ATXN7L1: variants seen among roughly 807,000 people sequenced by gnomAD.
ATXN7L1 encodes ataxin 7 like 1, also known as ataxin-7-like protein 1.
In ATXN7L1, 15 loss-of-function variants were observed where a neutral mutation model predicts 70.8. That is an observed-to-expected ratio of 0.21 (90% CI 0.14 to 0.33). The LOEUF is 0.33. Ranked by LOEUF, ATXN7L1 falls within the 10% of genes least tolerant of loss-of-function variation. ATXN7L1 has a pLI of 1.00. For synonymous variants in ATXN7L1, 440 were observed against 445.1 expected (o/e 0.99, Z 0.14); for missense variants, 975 against 1,097.1 (o/e 0.89, Z 1.57).
intron 2 of ATXN7L1, among the ~76,000 whole-genome samples, chr7:105,829,603 C>A (rs1348646071): frequency 6.6e-6 from 1 of 151,926 alleles, no homozygotes; most frequent in Non-Finnish European, 1.5e-5. Flanking sequence ...AAAACACCCA[C>A]AAATATACAC....
At chr7:105,679,482 A>T (rs1051319751) in intron 3 of ATXN7L1, among the ~76,000 whole-genome samples, 4 of 152,210 alleles carry the variant, frequency 2.6e-5, no homozygotes, top group Admixed American at 2.6e-4. Flanking sequence ...CCATCTTGAT[A>T]GGCAGAGTCC....
chr7:105,702,754 C>T (rs1207478459), intron 3 of ATXN7L1, among the ~76,000 whole-genome samples: 8 of 151,888 alleles, frequency 5.3e-5, no homozygotes, highest in Non-Finnish European at 8.8e-5. Context: ...CCAAGGCAGG[C>T]GGATCACCCG....
chr7:105,831,852 A>G (rs1811670793), intron 2 of ATXN7L1, among the ~76,000 whole-genome samples: 1 of 152,218 alleles, frequency 6.6e-6, no homozygotes, highest in African/African-American at 2.4e-5. Flanking sequence ...TGGGCTAGGC[A>G]TGGGAAGCTT....
In ATXN7L1 at chr7:105,627,423, C is replaced by A. The variant is rs559061474; in HGVS notation, c.1203-3156G>T. 3.3e-5 allele frequency among the ~76,000 whole-genome samples: 5 copies of A among 151,926 alleles called. No individual in the cohort carries two copies. The East Asian group carries it at 9.7e-4, about 29-fold the overall frequency. On this transcript the variant is annotated intron_variant, in intron 7 of 11. Transcript: ENST00000419735. The stretch of plus-strand genomic sequence containing the variant: ...CTAATTTTAAAATTTTTTATAGAGA[C>A]AGGGTCTTGCTTATGTTGCCCAGAC...
At chr7:105,623,723 A>G (rs1795263171) in intron 8 of ATXN7L1, among the ~76,000 whole-genome samples, 1 of 152,190 alleles carries the variant, frequency 6.6e-6, no homozygotes, top group Non-Finnish European at 1.5e-5. Flanking sequence ...CCGTTTTTAG[A>G]TGGACAAGGC....
At chr7:105,756,260 ACT>A (rs1367462073) in intron 3 of ATXN7L1, among the ~76,000 whole-genome samples, 1 of 148,118 alleles carries the variant, frequency 6.8e-6, no homozygotes, top group Non-Finnish European at 1.5e-5. Flanking sequence ...ATTTAAAAAA[ACT>A]CTGTTTGCCA....
At chr7:105,830,335 AAAC>A (rs1811426558) in intron 2 of ATXN7L1, among the ~76,000 whole-genome samples, 3 of 152,264 alleles carry the variant, frequency 2.0e-5, no homozygotes, top group Non-Finnish European at 4.4e-5. Flanking sequence ...TCTATCCTTC[AAAC>A]AACAACATCA....
intron 3 of ATXN7L1, among the ~76,000 whole-genome samples, chr7:105,738,164 A>T (rs1335663132): frequency 6.6e-6 from 1 of 152,226 alleles, no homozygotes; most frequent in African/African-American, 2.4e-5. Context: ...GCTCTCTGTC[A>T]CTTCCAGAAC....
chr7:105,820,109 A>G (rs1809892917), intron 2 of ATXN7L1: 2 of 232,200 alleles, frequency 8.6e-6, no homozygotes, highest in Non-Finnish European at 1.7e-5. Flanking sequence ...TGAGCCCAGT[A>G]AAGACTGTTT....
chr7:105,761,597 C>T (rs1346369325), intron 3 of ATXN7L1: 5 of 1,114,248 alleles, frequency 4.5e-6, no homozygotes, highest in South Asian at 3.1e-5. Flanking sequence ...TGCTTAAATG[C>T]GTCTTCATGA....
intron 3 of ATXN7L1, among the ~76,000 whole-genome samples, chr7:105,780,426 A>T (rs1803357508): frequency 6.6e-6 from 1 of 152,216 alleles, no homozygotes; most frequent in Non-Finnish European, 1.5e-5. Context: ...CATGAAAAAC[A>T]GCTACTTGAA....
chr7:105,860,368 C>T (rs748540557), intron 2 of ATXN7L1, among the ~76,000 whole-genome samples: 3 of 151,950 alleles, frequency 2.0e-5, no homozygotes, highest in Admixed American at 6.6e-5. Context: ...TGCACCCCAG[C>T]GGTAGCATTT....
intron 3 of ATXN7L1, among the ~76,000 whole-genome samples, chr7:105,776,580 GA>G (rs1455011750): frequency 6.6e-6 from 1 of 152,054 alleles, no homozygotes; most frequent in Non-Finnish European, 1.5e-5. Flanking sequence ...TGGACTCAGG[GA>G]ATTGAATGGT....
intron 3 of ATXN7L1, among the ~76,000 whole-genome samples, chr7:105,778,760 T>C (rs1253878077): frequency 2.0e-5 from 3 of 152,228 alleles, no homozygotes; most frequent in Non-Finnish European, 4.4e-5. Context: ...GTAGAATTTT[T>C]AGGAGAACAT....
At chr7:105,802,291 G>A (rs1217565850) in intron 2 of ATXN7L1, among the ~76,000 whole-genome samples, 1 of 152,060 alleles carries the variant, frequency 6.6e-6, no homozygotes, top group Non-Finnish European at 1.5e-5. Context: ...ATATGTGGAC[G>A]GCGCAGAGGT....
At chr7:105,758,347 C>G (rs764547023) in intron 3 of ATXN7L1, among the ~76,000 whole-genome samples, 22 of 152,230 alleles carry the variant, frequency 1.4e-4, no homozygotes, top group Non-Finnish European at 2.8e-4. Context: ...CTCTGAGAAG[C>G]ATGATTATAC....
Position 105,854,545 on chromosome 7 carries a change from A to C in ATXN7L1, c.250+21267T>G, listed in dbSNP as rs115978539. ...CCTTATAGAGGAAAAAAAAAAAAAC[A>C]CAAAACACAAAAACCCCATCATATG... On this transcript the variant is annotated intron_variant, in intron 2 of 11. Coordinates refer to ENST00000419735, the MANE Select transcript of ATXN7L1 (RefSeq NM_020725.2). Among the ~76,000 whole-genome samples the C allele has an allele frequency of 7.6e-3, 1,007 of 131,898 alleles. 17 individuals are homozygous for C. The highest frequency in any genetic ancestry group is 0.027 in the African/African-American group (941 of 35,394). The allele number at this position is 131,898 out of a possible 152,430, so 86.5% of individuals were successfully genotyped here.
rs1796449633 is a variant in ATXN7L1, at chr7:105,730,796, C to T, written c.355+57808G>A. Among the ~76,000 whole-genome samples the T allele has an allele frequency of 2.0e-5, 3 of 151,980 alleles. No homozygotes were observed. The South Asian group carries it at 6.2e-4, about 32-fold the overall frequency. On this transcript the variant is annotated intron_variant, in intron 3 of 11. Coordinates refer to ENST00000419735, the MANE Select transcript of ATXN7L1 (RefSeq NM_020725.2). ...TGACAACTAAATGTAAGTTGGTGCC[C>T]TAGACGAGATCCTGGAAGAGAAAGC...
At chr7:105,830,413 C>T (rs912423958) in intron 2 of ATXN7L1, among the ~76,000 whole-genome samples, 2 of 152,250 alleles carry the variant, frequency 1.3e-5, no homozygotes, top group East Asian at 1.9e-4. Context: ...TTGTTTAATT[C>T]CCCCTCCCAC....
Sources: gnomAD v4.1 joint callset for allele counts (sites outside exome capture counted in the v4.1 genomes callset) on GRCh38, gnomAD v4.1.1 for gene constraint, MANE v1.5 for transcripts, NCBI Gene and HGNC (gene_info 2026-07-23, HGNC 2026-07-21) for gene names.